GNA14: variants seen among roughly 807,000 people sequenced by gnomAD.
The protein encoded by GNA14 is G protein subunit alpha 14, also known as guanine nucleotide-binding protein subunit alpha-14.
Under a neutral mutation model 42.0 loss-of-function variants are expected in GNA14, and 50 were observed. The observed-to-expected ratio is 1.19, with a 90% CI of 0.95 to 1.51. GNA14 has a LOEUF of 1.51. GNA14 is among the 40% of genes most tolerant of loss of function. The pLI is 0.00. For missense variants in GNA14, 473 were observed against 446.2 expected (o/e 1.06, Z -0.54); for synonymous variants, 173 against 163.1 (o/e 1.06, Z -0.46).
intron 3 of GNA14, 42 bp downstream of exon 3, chr9:77,434,326 C>G: frequency 6.3e-7 from 1 of 1,576,818 alleles, no homozygotes; most frequent in Admixed American, 1.8e-5. Context: ...GCCGAGCTTG[C>G]CTGAAAGCAC....
At chr9:77,563,946 G>T (rs1822924643) in intron 1 of GNA14, among the ~76,000 whole-genome samples, 1 of 152,138 alleles carries the variant, frequency 6.6e-6, no homozygotes, top group Admixed American at 6.5e-5. Flanking sequence ...CATAAAGTTG[G>T]ATGGCAATGG....
In GNA14 at chr9:77,569,426, A is replaced by T. The variant is rs1444510918; in HGVS notation, c.125-40173T>A. ...ACTCCTCTCCAGTGCTGGAGGGGCC[A>T]GAACTGTCCTGCCCAACAAGTTTCC... On this transcript the variant is annotated intron_variant, in intron 1 of 6. Transcript: ENST00000341700. 3.3e-5 allele frequency among the ~76,000 whole-genome samples: 5 copies of T among 152,200 alleles called. No homozygotes were observed. The East Asian group carries it at 7.7e-4, about 24-fold the overall frequency.
At chr9:77,468,431 A>T (rs933829010) in intron 2 of GNA14, among the ~76,000 whole-genome samples, 1 of 152,222 alleles carries the variant, frequency 6.6e-6, no homozygotes, top group African/African-American at 2.4e-5. Flanking sequence ...AGACATACAC[A>T]GGTCGATTTA....
chr9:77,480,262 G>T (rs187265064), intron 2 of GNA14, among the ~76,000 whole-genome samples: 6 of 152,226 alleles, frequency 3.9e-5, no homozygotes, highest in African/African-American at 7.2e-5. Context: ...TAGCATGAAG[G>T]GTTGTTGAAT....
chr9:77,636,915 C>A (rs772365195), intron 1 of GNA14, among the ~76,000 whole-genome samples: 1 of 152,160 alleles, frequency 6.6e-6, no homozygotes, highest in East Asian at 1.9e-4. Flanking sequence ...TATGATGGCT[C>A]TTACTAGAAT....
intron 2 of GNA14, among the ~76,000 whole-genome samples, chr9:77,500,805 G>A (rs569106743): frequency 6.6e-6 from 1 of 152,314 alleles, no homozygotes; most frequent in South Asian, 2.1e-4. Context: ...TTGCTGAGTG[G>A]TAACAAAGGC....
intron 2 of GNA14, among the ~76,000 whole-genome samples, chr9:77,495,053 G>C (rs1285135728): frequency 1.3e-5 from 2 of 152,172 alleles, no homozygotes; most frequent in Non-Finnish European, 2.9e-5. Context: ...ACCCACCTCA[G>C]CCTCCCAAAG....
intron 5 of GNA14, among the ~76,000 whole-genome samples, chr9:77,428,175 T>C (rs1245886083): frequency 2.0e-5 from 3 of 149,102 alleles, no homozygotes; most frequent in East Asian, 4.1e-4. Context: ...GCCTCCCGGG[T>C]TCACGCCATT....
intron 6 of GNA14, 89 bp from the exon 7 acceptor site, chr9:77,424,258 T>G: frequency 1.1e-6 from 1 of 892,520 alleles, no homozygotes; most frequent in Non-Finnish European, 1.7e-6. Flanking sequence ...AGTCTCGCTC[T>G]GTAGCCCAGG....
intron 1 of GNA14, among the ~76,000 whole-genome samples, chr9:77,595,318 C>T (rs1290781753): frequency 6.6e-6 from 1 of 152,184 alleles, no homozygotes; most frequent in East Asian, 1.9e-4. Flanking sequence ...TGTGCCTGCT[C>T]AACACCAAAG....
chr9:77,542,276 T>A (rs973190768), intron 1 of GNA14, among the ~76,000 whole-genome samples: 3 of 152,172 alleles, frequency 2.0e-5, no homozygotes, highest in African/African-American at 7.2e-5. Context: ...ATGCAGTTAG[T>A]CCTTATATGA....
intron 2 of GNA14, among the ~76,000 whole-genome samples, chr9:77,435,226 G>A (rs1336204102): frequency 3.3e-5 from 5 of 151,954 alleles, no homozygotes; most frequent in Admixed American, 1.3e-4. Flanking sequence ...GCATGGCGGC[G>A]CGTGCCTGTA....
chr9:77,558,496 A>T (rs936064532), intron 1 of GNA14, among the ~76,000 whole-genome samples: 3 of 152,166 alleles, frequency 2.0e-5, no homozygotes, highest in African/African-American at 7.2e-5. Context: ...AGATCTGTAT[A>T]CCCAGCTGCT....
intron 2 of GNA14, among the ~76,000 whole-genome samples, chr9:77,482,900 C>T (rs1365132641): frequency 1.3e-5 from 2 of 152,250 alleles, no homozygotes; most frequent in Non-Finnish European, 2.9e-5. Flanking sequence ...TGGCTTTCAG[C>T]TCCATCAGGT....
chr9:77,624,053 G>A (rs958494904), intron 1 of GNA14, among the ~76,000 whole-genome samples: 1 of 152,154 alleles, frequency 6.6e-6, no homozygotes, highest in African/African-American at 2.4e-5. Context: ...GCAGTCTGAG[G>A]TCGACCTGGG....
chr9:77,528,773 A>G (rs1837481075), intron 2 of GNA14, among the ~76,000 whole-genome samples: 2 of 152,222 alleles, frequency 1.3e-5, no homozygotes, highest in Non-Finnish European at 2.9e-5. Context: ...CTCTTAGCGG[A>G]AAGAGAAAAT....
At chr9:77,428,277 C>T (rs1471730446) in intron 5 of GNA14, among the ~76,000 whole-genome samples, 1 of 151,922 alleles carries the variant, frequency 6.6e-6, no homozygotes, top group Non-Finnish European at 1.5e-5. Context: ...GACGGGGTTT[C>T]ACCACGTTAG....
intron 1 of GNA14, among the ~76,000 whole-genome samples, chr9:77,642,210 A>G (rs1332390694): frequency 2.6e-5 from 4 of 152,208 alleles, no homozygotes; most frequent in Non-Finnish European, 5.9e-5. Context: ...GTAAAAGTCC[A>G]GTATTTCAAA....
intron 1 of GNA14, among the ~76,000 whole-genome samples, chr9:77,629,865 A>T (rs1303454023): frequency 2.0e-5 from 3 of 152,222 alleles, no homozygotes; most frequent in Non-Finnish European, 2.9e-5. Flanking sequence ...GTATCCCAGA[A>T]CTTAAAGTAT....
Sources: allele counts gnomAD v4.1 joint callset (sites outside exome capture counted in the v4.1 genomes callset), GRCh38; gene constraint gnomAD v4.1.1; transcripts MANE v1.5; gene names NCBI Gene and HGNC (gene_info 2026-07-23, HGNC 2026-07-21).